The following CNR2 variants were observed in gnomAD, a reference collection of about 807,000 sequenced individuals.
The protein encoded by CNR2 is cannabinoid receptor 2, also known as cannabinoid receptor 2 (macrophage).
For missense variants in CNR2, 379 were observed against 439.9 expected (o/e 0.86, Z 1.24); for synonymous variants, 172 against 182.2 (o/e 0.94, Z 0.45).
At chr1:23,902,318 G>C (rs1640414075) in intron 1 of CNR2, 2 of 1,549,812 alleles carry the variant, frequency 1.3e-6, no homozygotes, top group African/African-American at 1.4e-5. Context: ...CCTCCCAGCA[G>C]CGCTGGGTCA....
chr1:23,908,405 G>A (rs895581566), intron 1 of CNR2, among the ~76,000 whole-genome samples: 1 of 152,112 alleles, frequency 6.6e-6, no homozygotes, highest in Admixed American at 6.6e-5. Context: ...AGCGATGCCT[G>A]GCTATACCTG....
intron 1 of CNR2, among the ~76,000 whole-genome samples, chr1:23,894,670 G>A (rs1285734156): frequency 7.3e-6 from 1 of 136,730 alleles, no homozygotes; most frequent in African/African-American, 2.7e-5. Context: ...AATCAGCCAG[G>A]CAGGAGAATC....
chr1:23,876,932 G>T (rs1299269916), intron 1 of CNR2, among the ~76,000 whole-genome samples: 2 of 151,420 alleles, frequency 1.3e-5, no homozygotes, highest in Non-Finnish European at 2.9e-5. Flanking sequence ...CCTAGATATT[G>T]TACGGTTTAT....
Position 23,874,164 on chromosome 1 carries a change from G to A in CNR2, c.*371C>T, listed in dbSNP as rs969153044. The stretch of plus-strand genomic sequence containing the variant: ...CATCTGATACCCTGACTTCCCAAGA[G>A]AACAACCCATTCTTCTCAGATTTCT... On this transcript the variant is annotated 3_prime_UTR_variant, in exon 2 of 2. Transcript: ENST00000374472. 1 of 189,510 alleles carries A rather than the reference G, an allele frequency of 5.3e-6. No individual in the cohort carries two copies. Among genetic ancestry groups the A allele is most frequent in the African/African-American group, 2.3e-5 (1 of 43,146 alleles). 11.7% of individuals were successfully genotyped at this position (189,510 alleles called of 1,614,324 possible). A position where few individuals can be genotyped will look rare whatever the true frequency, so the allele number is the denominator to read the frequency against.
chr1:23,882,866 C>A (rs1015337558), intron 1 of CNR2, among the ~76,000 whole-genome samples: 1 of 151,884 alleles, frequency 6.6e-6, no homozygotes, highest in African/African-American at 2.4e-5. Flanking sequence ...GATAAAAAAG[C>A]CTCATGAGCT....
intron 1 of CNR2, among the ~76,000 whole-genome samples, chr1:23,903,561 A>ACC (rs1640438738): frequency 7.2e-6 from 1 of 139,016 alleles, no homozygotes; most frequent in East Asian, 2.1e-4. Flanking sequence ...TGACAGAGTG[A>ACC]GACCCCAGGC....
intron 1 of CNR2, among the ~76,000 whole-genome samples, chr1:23,876,286 A>T (rs1462763930): frequency 1.3e-5 from 2 of 150,762 alleles, no homozygotes; most frequent in African/African-American, 2.4e-5. Context: ...GGCTCACTGT[A>T]ACCTCTGCCT....
At position 23,875,408 on chromosome 1, in the gene CNR2, G is replaced by C. The variant is rs1021275620; in HGVS notation, c.210C>G (p.Tyr70Ter). ...SSHQLRRKPS[Y>*]LFIGSLAGAD... The stretch of plus-strand genomic sequence containing the variant: ...CCCCAGCCAAGCTGCCAATGAACAG[G>C]TATGAGGGCTTCCGGCGGAGTTGGT... The change falls in exon 2 of 2, where the codon TAC (tyrosine) becomes TAG (stop). Residue 70 changes from tyrosine to a stop codon, truncating the protein, a stop_gained. Coordinates refer to ENST00000374472, the MANE Select transcript of CNR2 (RefSeq NM_001841.3). LOFTEE classifies it high-confidence loss of function. 1 of 1,614,130 alleles carries C rather than the reference G, an allele frequency of 6.2e-7. No homozygotes were observed. Among genetic ancestry groups the C allele is most frequent in the Admixed American group, 1.7e-5 (1 of 60,004 alleles).
chr1:23,897,343 G>A (rs1022115335), intron 1 of CNR2, among the ~76,000 whole-genome samples: 2 of 152,088 alleles, frequency 1.3e-5, no homozygotes, highest in African/African-American at 4.8e-5. Context: ...TGGTCTCAGC[G>A]ACCCTTTACC....
At chr1:23,879,450 C>T (rs1293155159) in intron 1 of CNR2, among the ~76,000 whole-genome samples, 1 of 148,684 alleles carries the variant, frequency 6.7e-6, no homozygotes, top group Non-Finnish European at 1.5e-5. Context: ...CCCATCTCTA[C>T]AAGACATAAA....
chr1:23,872,708 A>G lies in CNR2; in HGVS notation c.*1827T>C, dbSNP rs1403479231. 1 of 152,202 alleles carries G rather than the reference A, an allele frequency of 6.6e-6. No individual in the cohort carries two copies. The highest frequency in any genetic ancestry group is 2.4e-5 in the African/African-American group (1 of 41,450). 9.4% of individuals were successfully genotyped at this position (152,202 alleles called of 1,614,324 possible). A position where few individuals can be genotyped will look rare whatever the true frequency, so the allele number is the denominator to read the frequency against. On this transcript the variant is annotated 3_prime_UTR_variant, in exon 2 of 2. Transcript: ENST00000374472. Reference sequence around the variant, plus strand: ...CCTTCTTATTAGGTTGTTGGGAAACATGAAGTGAAATAAGGCATTTAAAAA... The same window carrying G: ...CCTTCTTATTAGGTTGTTGGGAAACGTGAAGTGAAATAAGGCATTTAAAAA...
At chr1:23,883,697 C>T (rs150442653) in intron 1 of CNR2, among the ~76,000 whole-genome samples, 18,334 of 151,984 alleles carry the variant, frequency 0.12, 1,563 homozygotes, top group Non-Finnish European at 0.18. Context: ...TGGTGGTGTG[C>T]GCCTGTAGTC....
chr1:23,888,293 G>A (rs1273262251), intron 1 of CNR2, among the ~76,000 whole-genome samples: 1 of 152,064 alleles, frequency 6.6e-6, no homozygotes, highest in Admixed American at 6.6e-5. Context: ...CTCCACCATG[G>A]CTCATCAGGT....
chr1:23,885,644 CTG>C (rs1271322412), intron 1 of CNR2, among the ~76,000 whole-genome samples: 4 of 151,082 alleles, frequency 2.6e-5, no homozygotes, highest in African/African-American at 9.7e-5. Context: ...CTCTGGGAGG[CTG>C]AAGCAGGTGG....
chr1:23,898,291 C>G (rs921445477), intron 1 of CNR2, among the ~76,000 whole-genome samples: 4 of 150,686 alleles, frequency 2.7e-5, no homozygotes, highest in Non-Finnish European at 5.9e-5. Flanking sequence ...CCCGCCTCAG[C>G]CTCCCAAAGT....
intron 1 of CNR2, among the ~76,000 whole-genome samples, chr1:23,908,744 C>T (rs796432225): frequency 5.3e-5 from 8 of 152,256 alleles, no homozygotes; most frequent in African/African-American, 1.7e-4. Context: ...TCAGTGGGCT[C>T]TATTCCCCAG....
At chr1:23,910,350 G>T (rs2148472733) in intron 1 of CNR2, among the ~76,000 whole-genome samples, 1 of 151,738 alleles carries the variant, frequency 6.6e-6, no homozygotes, top group South Asian at 2.1e-4. Flanking sequence ...GCTGTGGTGA[G>T]GACTTAATGA....
At chr1:23,906,533 CTTTTTTTTCTTTCTTT>C (rs1640488122) in intron 1 of CNR2, among the ~76,000 whole-genome samples, 1 of 117,082 alleles carries the variant, frequency 8.5e-6, no homozygotes. Flanking sequence ...TCCTATCTTT[CTTTTTTTTCTTTCTTT>C]TTTTTTTTTT....
intron 1 of CNR2, among the ~76,000 whole-genome samples, chr1:23,895,507 T>C (rs1640265246): frequency 6.6e-6 from 1 of 152,098 alleles, no homozygotes; most frequent in Non-Finnish European, 1.5e-5. Context: ...TGAGTCCTTT[T>C]TTTTCTCTCT....
Sources: gnomAD v4.1 joint callset for allele counts (sites outside exome capture counted in the v4.1 genomes callset) on GRCh38, gnomAD v4.1.1 for gene constraint, MANE v1.5 for transcripts, NCBI Gene and HGNC (gene_info 2026-07-23, HGNC 2026-07-21) for gene names.